C16orf96: variants seen among roughly 807,000 people sequenced by gnomAD.
C16orf96 encodes uncharacterized protein C16orf96.
In C16orf96, 108 loss-of-function variants were observed where a neutral mutation model predicts 103.6. That is an observed-to-expected ratio of 1.04 (90% CI 0.89 to 1.22). The LOEUF is 1.22. Among genes scored for constraint, C16orf96 ranks in the 50% most tolerant of loss-of-function variants. C16orf96 has a pLI of 0.00. For missense variants in C16orf96, 1,586 were observed against 1,464.2 expected, an observed-to-expected ratio of 1.08 and a Z score of -1.36; for synonymous variants, 566 against 593.5, an observed-to-expected ratio of 0.95 and a Z score of 0.67.
Position 4,593,198 on chromosome 16 carries a change from C to A in C16orf96, c.2775-26C>A. Reference sequence around the variant, plus strand: ...CTGGCCTAGCACGCCTCCCACAGCCCCTGCTGTGCCCTTGTCCTCCAACAG... The same window carrying A: ...CTGGCCTAGCACGCCTCCCACAGCCACTGCTGTGCCCTTGTCCTCCAACAG... On this transcript the variant is annotated intron_variant, in intron 11 of 15. Coordinates refer to ENST00000444310, the MANE Select transcript of C16orf96 (RefSeq NM_001145011.2). This position sits in a 1 kb window ranked among gnomAD's most constrained non-coding sequence, Gnocchi z 4.2. 1 of 1,548,048 alleles carries A rather than the reference C, an allele frequency of 6.5e-7. No homozygotes were observed. Among genetic ancestry groups the A allele is most frequent in the Non-Finnish European group, 8.7e-7 (1 of 1,144,240 alleles).
chr16:4,576,022 C>G lies in C16orf96; in HGVS notation c.1542C>G (p.Gly514=), dbSNP rs1656532638. 1 of 1,551,238 alleles carries G rather than the reference C, an allele frequency of 6.4e-7. No individual in the cohort carries two copies. Among genetic ancestry groups the G allele is most frequent in the East Asian group, 2.4e-5 (1 of 40,916 alleles). The change falls in exon 5 of 16, where the codon GGC becomes GGG. Residue 514 remains glycine (G), a synonymous_variant. Transcript: ENST00000444310. ...HKDDVPKDRG[G]KDVDPKDRAH... ...ATGATGTCCCCAAAGATAGAGGTGG[C>G]AAGGATGTGGACCCCAAGGATAGAG...
chr16:4,573,257 G>A (rs2059458974), intron 2 of C16orf96, among the ~76,000 whole-genome samples: 1 of 151,886 alleles, frequency 6.6e-6, no homozygotes, highest in South Asian at 2.1e-4. Flanking sequence ...GGCCAACATG[G>A]TAAAACCCCC....
At chr16:4,577,468 G>A (rs897557413) in intron 5 of C16orf96, among the ~76,000 whole-genome samples, 3 of 151,598 alleles carry the variant, frequency 2.0e-5, no homozygotes, top group African/African-American at 4.9e-5. Context: ...GGCTGACACG[G>A]TGAAACCCCG....
upstream of C16orf96, among the ~76,000 whole-genome samples, chr16:4,554,928 C>T (rs150625124): frequency 2.1e-3 from 313 of 152,010 alleles, 1 homozygote; most frequent in Non-Finnish European, 4.0e-3. Context: ...CGCGCCCAGC[C>T]GACAATGCCC....
At chr16:4,591,174 G>A (rs1295491934) in intron 9 of C16orf96, among the ~76,000 whole-genome samples, 2 of 152,184 alleles carry the variant, frequency 1.3e-5, no homozygotes, top group South Asian at 2.1e-4. Context: ...GCAACAGAGC[G>A]AGACTCTGTC....
At chr16:4,584,659 C>T (rs1405250723) in intron 7 of C16orf96, among the ~76,000 whole-genome samples, 1 of 151,956 alleles carries the variant, frequency 6.6e-6, no homozygotes. Flanking sequence ...CTCAGCCTCC[C>T]GAGTAGCTGG....
intron 1 of C16orf96, among the ~76,000 whole-genome samples, chr16:4,563,922 G>A (rs1051166115): frequency 6.6e-6 from 1 of 151,568 alleles, no homozygotes; most frequent in African/African-American, 2.4e-5. Flanking sequence ...TAACTGCCAG[G>A]TGTGGTGGCT....
the C16orf96 span, among the ~76,000 whole-genome samples, chr16:4,550,227 G>GGT: frequency 6.6e-6 from 1 of 151,994 alleles, no homozygotes. Context: ...TAGGATTACA[G>GGT]GCACCCGCCA....
chr16:4,571,413 C>A, intron 1 of C16orf96, 148 bp from the exon 2 acceptor site: 1 of 625,226 alleles, frequency 1.6e-6, no homozygotes, highest in Non-Finnish European at 2.8e-6. Context: ...TTAGTAGCAT[C>A]TCCTGGTCCC....
intron 7 of C16orf96, among the ~76,000 whole-genome samples, chr16:4,581,165 T>TAC (rs1185658076): frequency 1.7e-5 from 2 of 120,304 alleles, no homozygotes; most frequent in Admixed American, 1.7e-4. Context: ...TATATATATA[T>TAC]ATATATATAT....
intron 7 of C16orf96, among the ~76,000 whole-genome samples, chr16:4,582,597 T>G (rs1194789055): frequency 6.6e-6 from 1 of 152,048 alleles, no homozygotes; most frequent in Non-Finnish European, 1.5e-5. Context: ...GTGGGTGGAC[T>G]GCATGCAGGG....
chr16:4,555,229 C>G (rs561949247), upstream of C16orf96, among the ~76,000 whole-genome samples: 1 of 151,462 alleles, frequency 6.6e-6, no homozygotes, highest in South Asian at 2.1e-4. Flanking sequence ...CGCCACTGCA[C>G]TCCTGCCTGG....
At chr16:4,564,248 G>A (rs974442925) in intron 1 of C16orf96, among the ~76,000 whole-genome samples, 2 of 152,110 alleles carry the variant, frequency 1.3e-5, no homozygotes, top group African/African-American at 4.8e-5. Flanking sequence ...CTGGCTTTGT[G>A]AAGTCCATTC....
the C16orf96 span, among the ~76,000 whole-genome samples, chr16:4,539,608 C>T: frequency 1.4e-3 from 217 of 152,134 alleles, no homozygotes; most frequent in Middle Eastern, 6.8e-3. Flanking sequence ...TTGCTTGAAC[C>T]CGAGAGATGG....
In C16orf96 at chr16:4,588,346, G is replaced by T. The variant is rs1264775678; in HGVS notation, c.2592+15G>T. The T allele has an allele frequency of 1.3e-6, 2 of 1,540,190 alleles. No homozygotes were observed. Among genetic ancestry groups the T allele is most frequent in the African/African-American group, 1.4e-5 (1 of 72,880 alleles). On this transcript the variant is annotated intron_variant, in intron 9 of 15. Transcript: ENST00000444310. ...TGAACACCAAGGTGAATGCCCCCATGTTGATTTTCACTTTATTCCTAACAA... is the reference window on the plus strand; with the variant it reads ...TGAACACCAAGGTGAATGCCCCCATTTTGATTTTCACTTTATTCCTAACAA...
intron 10 of C16orf96, among the ~76,000 whole-genome samples, chr16:4,592,103 C>G (rs1041190716): frequency 6.6e-6 from 1 of 152,238 alleles, no homozygotes; most frequent in Non-Finnish European, 1.5e-5. Context: ...CAGACCACCC[C>G]TCACACAGCT....
At chr16:4,591,363 C>A (rs1469492796) in intron 9 of C16orf96, among the ~76,000 whole-genome samples, 1 of 152,062 alleles carries the variant, frequency 6.6e-6, no homozygotes, top group African/African-American at 2.4e-5. Flanking sequence ...AGAAAGGTGT[C>A]TCAGACCGCC....
intron 1 of C16orf96, among the ~76,000 whole-genome samples, chr16:4,558,542 T>G (rs1185214809): frequency 6.6e-6 from 1 of 151,214 alleles, no homozygotes; most frequent in African/African-American, 2.4e-5. Flanking sequence ...ACCCCAGGAG[T>G]TGGAAGCTGC....
At chr16:4,597,852 C>T (rs968478456) in intron 14 of C16orf96, among the ~76,000 whole-genome samples, 7 of 152,132 alleles carry the variant, frequency 4.6e-5, no homozygotes, top group Non-Finnish European at 1.0e-4. Flanking sequence ...CCACTGCGCC[C>T]GGCCTCATGT....
Sources: allele counts gnomAD v4.1 joint callset (sites outside exome capture counted in the v4.1 genomes callset), GRCh38; gene constraint gnomAD v4.1.1; non-coding constraint Gnocchi (gnomAD v3.1); transcripts MANE v1.5; gene names NCBI Gene and HGNC (gene_info 2026-07-23, HGNC 2026-07-21).